Variants in HIPK2 observed in about 807,000 individuals in gnomAD.
The protein encoded by HIPK2 is homeodomain interacting protein kinase 2, also known as homeodomain-interacting protein kinase 2.
In HIPK2, 27 loss-of-function variants were observed where a neutral mutation model predicts 113.7. That is an observed-to-expected ratio of 0.24 (90% CI 0.17 to 0.33). The LOEUF (loss-of-function observed/expected upper bound fraction) is 0.33. Ranked by LOEUF, HIPK2 falls within the 10% of genes least tolerant of loss-of-function variation. The probability of loss-of-function intolerance (pLI) is 1.00; values close to 1 mark genes in which losing one functional copy is unlikely to be tolerated. For missense variants in HIPK2, 1,257 were observed against 1,588.0 expected, an observed-to-expected ratio of 0.79 and a Z score of 3.54; for synonymous variants, 631 against 642.2, an observed-to-expected ratio of 0.98 and a Z score of 0.26.
intron 1 of HIPK2, among the ~76,000 whole-genome samples, chr7:139,763,481 C>CA (rs1462849455): frequency 7.5e-6 from 1 of 132,864 alleles, no homozygotes; most frequent in Admixed American, 7.4e-5. Context: ...CGCCCCCCCC[C>CA]CCACACGCCC....
chr7:139,613,977 G>A lies in HIPK2; in HGVS notation c.1990+309C>T, dbSNP rs1351689117. 1.3e-5 allele frequency among the ~76,000 whole-genome samples: 2 copies of A among 152,176 alleles called. No individual in the cohort carries two copies. Among genetic ancestry groups the A allele is most frequent in the Admixed American group, 1.3e-4 (2 of 15,280 alleles). ...ATATTTCATGCGAGGAAAAGCAAGA[G>A]CTGACATCAGCATAACAATGAAAGC... On this transcript the variant is annotated intron_variant, in intron 8 of 14. Transcript: ENST00000406875. This position sits in a 1 kb window ranked among gnomAD's most constrained non-coding sequence, Gnocchi z 4.2.
intron 7 of HIPK2, among the ~76,000 whole-genome samples, chr7:139,617,121 A>G (rs887911338): frequency 6.6e-6 from 1 of 152,248 alleles, no homozygotes; most frequent in Admixed American, 6.5e-5. Context: ...CTACTTCTGT[A>G]TATCCTCCTT....
At chr7:139,702,999 C>T (rs1471549434) in intron 2 of HIPK2, among the ~76,000 whole-genome samples, 3 of 152,086 alleles carry the variant, frequency 2.0e-5, no homozygotes, top group African/African-American at 4.8e-5. Context: ...CCTGTCCGGC[C>T]GTTTCCAGAA....
chr7:139,613,187 A>C lies in HIPK2; in HGVS notation c.2112+15T>G, dbSNP rs777208889. 16 of 1,613,428 alleles carry C rather than the reference A, an allele frequency of 9.9e-6. No individual in the cohort carries two copies. The East Asian group carries it at 2.5e-4, about 25-fold the overall frequency. The stretch of plus-strand genomic sequence containing the variant: ...GTAATGGTAATACCAGTAATAATAA[A>C]GGAGAAAGAATTACCTGGGCAAGCA... On this transcript the variant is annotated intron_variant, in intron 9 of 14. Transcript: ENST00000406875. This position sits in a 1 kb window ranked among gnomAD's most constrained non-coding sequence, Gnocchi z 4.2.
At chr7:139,748,070 T>C (rs938255583) in intron 1 of HIPK2, among the ~76,000 whole-genome samples, 1 of 151,846 alleles carries the variant, frequency 6.6e-6, no homozygotes, top group African/African-American at 2.4e-5. Flanking sequence ...TTGAAGAAAA[T>C]ATTTTTCCAA....
At chr7:139,741,048 G>A (rs1796085762) in intron 1 of HIPK2, among the ~76,000 whole-genome samples, 1 of 152,172 alleles carries the variant, frequency 6.6e-6, no homozygotes. Flanking sequence ...TCAGGAGGCT[G>A]AGGCAGGAGA....
chr7:139,729,324 T>TGAGAGAGA lies in HIPK2; in HGVS notation c.20-12317_20-12310dup, dbSNP rs71170912. ...TGGGTGACAGAGTAGACCCTGTCTC[T>TGAGAGAGA]GAGAGAGAGAGAGAGAGAGAGAGAG... is the stretch of plus-strand genomic sequence containing the variant. On this transcript the variant is annotated intron_variant, in intron 1 of 14. Transcript: ENST00000406875. Among the ~76,000 whole-genome samples the TGAGAGAGA allele has an allele frequency of 2.6e-3, 181 of 69,182 alleles. 4 individuals carry two copies. Among genetic ancestry groups the TGAGAGAGA allele is most frequent in the East Asian group, 0.014 (29 of 2,106 alleles). The allele number at this position is 69,182 out of a possible 152,430, so 45.4% of individuals were successfully genotyped here. A position where few individuals can be genotyped will look rare whatever the true frequency, so the allele number is the denominator to read the frequency against.
intron 2 of HIPK2, among the ~76,000 whole-genome samples, chr7:139,705,777 C>T (rs146777816): frequency 2.0e-3 from 305 of 149,822 alleles, no homozygotes; most frequent in African/African-American, 7.0e-3. Context: ...CTCTGTCTGC[C>T]AGATGATAGT....
intron 2 of HIPK2, among the ~76,000 whole-genome samples, chr7:139,637,449 C>G (rs868433327): frequency 6.6e-6 from 1 of 152,234 alleles, no homozygotes; most frequent in Non-Finnish European, 1.5e-5. Context: ...TCCTTTGGAG[C>G]CAGAGTCTTC....
chr7:139,580,362 C>G (rs1798628251), intron 13 of HIPK2, among the ~76,000 whole-genome samples: 1 of 152,184 alleles, frequency 6.6e-6, no homozygotes, highest in African/African-American at 2.4e-5. Context: ...GGGGTTGAGT[C>G]AGAGCTTGCC....
chr7:139,756,825 T>C (rs1470791545), intron 1 of HIPK2, among the ~76,000 whole-genome samples: 2 of 152,228 alleles, frequency 1.3e-5, no homozygotes, highest in Non-Finnish European at 2.9e-5. Context: ...ATGCATCAAC[T>C]ATACTCTCCC....
intron 12 of HIPK2, among the ~76,000 whole-genome samples, chr7:139,586,068 C>T (rs1247442268): frequency 6.6e-6 from 1 of 152,080 alleles, no homozygotes; most frequent in African/African-American, 2.4e-5. Flanking sequence ...ATGGATGTCA[C>T]AAAGCCTCCG....
At chr7:139,651,013 C>T (rs548815280) in intron 2 of HIPK2, among the ~76,000 whole-genome samples, 12 of 152,334 alleles carry the variant, frequency 7.9e-5, no homozygotes, top group East Asian at 1.9e-4. Context: ...GTGTCAGCCA[C>T]GGAATTTTGA....
In HIPK2 at chr7:139,714,890, G is replaced by GC. The variant is rs1795174763; in HGVS notation, c.1103+1041dup. ...GCCAGCCACGGAGTGACACACCTAA[G>GC]CCATGTTACAGCCATGTTACCTCCC... On this transcript the variant is annotated intron_variant, in intron 2 of 14. Transcript: ENST00000406875. The surrounding 1 kb of genome is among the most constrained non-coding windows in gnomAD (Gnocchi z 4.2). Among the ~76,000 whole-genome samples the GC allele has an allele frequency of 6.6e-6, 1 of 152,192 alleles. No homozygotes were observed. The highest frequency in any genetic ancestry group is 6.5e-5 in the Admixed American group (1 of 15,284).
intron 2 of HIPK2, among the ~76,000 whole-genome samples, chr7:139,703,545 A>G (rs1411553924): frequency 6.6e-6 from 1 of 151,966 alleles, no homozygotes; most frequent in Non-Finnish European, 1.5e-5. Context: ...GTCCACATAT[A>G]TAAGGCTGTG....
At chr7:139,616,717 C>T (rs1800058005) in intron 7 of HIPK2, among the ~76,000 whole-genome samples, 1 of 152,222 alleles carries the variant, frequency 6.6e-6, no homozygotes, top group African/African-American at 2.4e-5. Flanking sequence ...GCTCCTGTTA[C>T]AATCTGCCTT....
At chr7:139,607,796 G>C (rs760397170) in intron 9 of HIPK2, among the ~76,000 whole-genome samples, 19 of 152,084 alleles carry the variant, frequency 1.2e-4, no homozygotes, top group Admixed American at 3.3e-4. Context: ...TATGGGGATG[G>C]CAGTGGGTTA....
chr7:139,718,845 C>T (rs1188186842), intron 1 of HIPK2, among the ~76,000 whole-genome samples: 1 of 152,196 alleles, frequency 6.6e-6, no homozygotes, highest in African/African-American at 2.4e-5. Flanking sequence ...TTTCCCTCCT[C>T]TCACCTGTGA....
rs139981205 is a variant in HIPK2 at position 139,712,509 on chromosome 7, C to T, written c.1103+3423G>A. Among the ~76,000 whole-genome samples, 649 of 152,320 alleles carry T rather than the reference C, an allele frequency of 4.3e-3. 2 individuals carry two copies. The highest frequency in any genetic ancestry group is 9.0e-3 in the Admixed American group (138 of 15,304). ...ATACAGGGGGCCGAGGGGAGAAAGTCCCCACCCACCACCTGCAGGACAAAG... is the reference window on the plus strand; with the variant it reads ...ATACAGGGGGCCGAGGGGAGAAAGTTCCCACCCACCACCTGCAGGACAAAG... On this transcript the variant is annotated intron_variant, in intron 2 of 14. Transcript: ENST00000406875.
Sources: gnomAD v4.1 joint callset for allele counts (sites outside exome capture counted in the v4.1 genomes callset) on GRCh38, gnomAD v4.1.1 for gene constraint, Gnocchi (gnomAD v3.1) non-coding constraint, MANE v1.5 for transcripts, NCBI Gene and HGNC (gene_info 2026-07-23, HGNC 2026-07-21) for gene names.